TRPM6: variants seen among roughly 807,000 people sequenced by gnomAD.
TRPM6 encodes the protein transient receptor potential cation channel subfamily M member 6.
A neutral mutation model predicts 247.6 loss-of-function variants in TRPM6; 111 were observed. The observed-to-expected ratio is 0.45, with a 90% CI of 0.38 to 0.52. The LOEUF is 0.52. TRPM6 is among the 20% of genes least tolerant of loss of function. The probability of loss-of-function intolerance (pLI) is 0.00; values close to 1 mark genes in which losing one functional copy is unlikely to be tolerated. For synonymous variants in TRPM6, 892 were observed against 853.8 expected, an observed-to-expected ratio of 1.04 and a Z score of -0.78; for missense variants, 2,126 against 2,421.5, an observed-to-expected ratio of 0.88 and a Z score of 2.56.
At chr9:74,741,798 G>A (rs1825872434) in intron 33 of TRPM6, among the ~76,000 whole-genome samples, 1 of 151,976 alleles carries the variant, frequency 6.6e-6, no homozygotes, top group Non-Finnish European at 1.5e-5. Flanking sequence ...GCTGAGGCAG[G>A]AGAATCACTT....
chr9:74,820,431 G>A lies in TRPM6; in HGVS notation c.1011-4C>T, dbSNP rs754913541. 1 of 1,614,048 alleles carries A rather than the reference G, an allele frequency of 6.2e-7. No homozygotes were observed. The highest frequency in any genetic ancestry group is 1.1e-5 in the South Asian group (1 of 91,076). On this transcript the variant is annotated splice_polypyrimidine_tract_variant and splice_region_variant and intron_variant, in intron 8 of 38. Transcript: ENST00000360774. Reference sequence around the variant, plus strand: ...TTTCACCTGAGGTCGCAGCATCCTGGAAGAGAAATAAATGGTCTTGACACA... The same window carrying A: ...TTTCACCTGAGGTCGCAGCATCCTGAAAGAGAAATAAATGGTCTTGACACA...
At chr9:74,834,217 G>T (rs1829641504) in intron 5 of TRPM6, 95 bp from the exon 6 acceptor site, 3 of 1,459,630 alleles carry the variant, frequency 2.1e-6, no homozygotes, top group African/African-American at 2.8e-5. Context: ...GCAAGCATAT[G>T]CAAGGGCTAT....
intron 12 of TRPM6, 150 bp downstream of exon 12, chr9:74,812,149 C>G: frequency 1.0e-6 from 1 of 975,472 alleles, no homozygotes; most frequent in Non-Finnish European, 1.6e-6. Flanking sequence ...GGGAAAGAAG[C>G]CTGGAACTAG....
In TRPM6 at chr9:74,801,931, T is replaced by A; in HGVS notation, c.1976A>T (p.Asp659Val). Residue 659 changes from aspartate to valine, a missense_variant, in exon 16 of 39, where the codon GAT (aspartate) becomes GTT (valine). This residue lies in a region of TRPM6 where 1,082 missense variants were observed against 1,307.9 expected (regional missense o/e 0.83). Coordinates refer to ENST00000360774, the MANE Select transcript of TRPM6 (RefSeq NM_017662.5). ...AHEAKESHMV[D>V]DASEELKNYS... is the part of the protein sequence containing the mutation. ...ATTCTTCAACTCTTCTGAGGCATCA[T>A]CCACCATGTGACTCTCCTTAGCTTC... 1 of 1,614,258 alleles carries A rather than the reference T, an allele frequency of 6.2e-7. No individual in the cohort carries two copies. The highest frequency in any genetic ancestry group is 8.5e-7 in the Non-Finnish European group (1 of 1,180,042).
rs182951647 is a variant in TRPM6, at chr9:74,831,673, A to C, written c.669+2325T>G. On this transcript the variant is annotated intron_variant, in intron 6 of 38. Transcript: ENST00000360774. ...CATCTTGAAAACACTCCACCGGCCA[A>C]AATGGGATAATTTGAACATTATTAA... 6.5e-3 allele frequency among the ~76,000 whole-genome samples: 989 copies of C among 152,326 alleles called. 6 individuals are homozygous for C. Among genetic ancestry groups the C allele is most frequent in the African/African-American group, 0.019 (794 of 41,574 alleles).
rs919717427 is a variant in TRPM6, at chr9:74,752,513, A to T, written c.4907-145T>A. The T allele has an allele frequency of 8.3e-6, 5 of 603,278 alleles. No individual in the cohort carries two copies. In the Admixed American group the frequency reaches 1.5e-4, roughly 18 times the overall value. 37.4% of individuals were successfully genotyped at this position (603,278 alleles called of 1,614,324 possible). A position where few individuals can be genotyped will look rare whatever the true frequency, so the allele number is the denominator to read the frequency against. On this transcript the variant is annotated intron_variant, in intron 28 of 38. Transcript: ENST00000360774. ...CTTTCTGTTTTTAGCAAGTTTTACC[A>T]AGTTTCCTTTATCCTTTTTTTCTCA... is the stretch of plus-strand genomic sequence containing the variant.
intron 23 of TRPM6, among the ~76,000 whole-genome samples, chr9:74,780,045 AC>A (rs1554698134): frequency 6.6e-6 from 1 of 151,534 alleles, no homozygotes; most frequent in Non-Finnish European, 1.5e-5. Flanking sequence ...GGTGGCATGC[AC>A]CTGTAGTCCC....
chr9:74,825,458 CGTGTGT>C lies in TRPM6; in HGVS notation c.841+2314_841+2319del, dbSNP rs5898381. Among the ~76,000 whole-genome samples the C allele has an allele frequency of 4.2e-4, 63 of 148,400 alleles. 1 individual carries two copies. Among genetic ancestry groups the C allele is most frequent in the Admixed American group, 1.3e-3 (20 of 14,842 alleles). ...TTGAGGGCATGTCTTCTCTTTCTTC[CGTGTGT>C]GTGTGTGTGTGTGTGTGTGTATGTG... is the stretch of plus-strand genomic sequence containing the variant. On this transcript the variant is annotated intron_variant, in intron 7 of 38. Coordinates refer to ENST00000360774, the MANE Select transcript of TRPM6 (RefSeq NM_017662.5).
In TRPM6 at chr9:74,855,565, T is replaced by C. The variant is rs1232697338; in HGVS notation, c.114A>G (p.Arg38=). The C allele has an allele frequency of 6.3e-7, 1 of 1,598,228 alleles. No homozygotes were observed. Among genetic ancestry groups the C allele is most frequent in the Admixed American group, 1.7e-5 (1 of 59,998 alleles). ...GGCAGACTTGGCATACTGGAGTACA[T>C]CTAAATTAAAGAAATAAAACCTCTG... ...TIIPSSKNPH[R]CTPVCQVCQN... Residue 38 remains arginine, a splice_region_variant and synonymous_variant, in exon 3 of 39, where the codon AGA becomes AGG. Coordinates refer to ENST00000360774, the MANE Select transcript of TRPM6 (RefSeq NM_017662.5).
At chr9:74,758,654 T>C (rs374397022) in intron 27 of TRPM6, among the ~76,000 whole-genome samples, 2 of 152,166 alleles carry the variant, frequency 1.3e-5, no homozygotes, top group South Asian at 2.1e-4. Context: ...GGGGCATCTA[T>C]AGAAAAACCT....
At chr9:74,806,070 T>G (rs930424477) in intron 14 of TRPM6, among the ~76,000 whole-genome samples, 2 of 152,160 alleles carry the variant, frequency 1.3e-5, no homozygotes, top group African/African-American at 4.8e-5. Flanking sequence ...TTTAGAGATA[T>G]TCACAAGAAT....
At chr9:74,777,940 G>T (rs1450885821) in intron 23 of TRPM6, among the ~76,000 whole-genome samples, 1 of 152,174 alleles carries the variant, frequency 6.6e-6, no homozygotes, top group East Asian at 1.9e-4. Flanking sequence ...GAAAAAAAAT[G>T]AAAGGTCACT....
In TRPM6 at chr9:74,873,770, GA is replaced by G. The variant is rs532680678; in HGVS notation, c.33+14053del. On this transcript the variant is annotated intron_variant, in intron 1 of 38. Transcript: ENST00000360774. ...ATTTAGAATTTTTAACTTTTTAACAGAAAAAAATCTTTTAATTTAAAAGATC... is the reference window on the plus strand; with the variant it reads ...ATTTAGAATTTTTAACTTTTTAACAGAAAAAATCTTTTAATTTAAAAGATC... Among the ~76,000 whole-genome samples the G allele has an allele frequency of 5.7e-3, 855 of 151,188 alleles. 5 individuals are homozygous for G. The highest frequency in any genetic ancestry group is 0.019 in the African/African-American group (782 of 41,262).
At chr9:74,851,702 T>C (rs1192710968) in intron 3 of TRPM6, among the ~76,000 whole-genome samples, 1 of 150,378 alleles carries the variant, frequency 6.6e-6, no homozygotes, top group Non-Finnish European at 1.5e-5. Context: ...TGAGCCAAGA[T>C]TGCGCCACTG....
intron 1 of TRPM6, among the ~76,000 whole-genome samples, chr9:74,866,792 T>C (rs1393250253): frequency 6.6e-6 from 1 of 152,192 alleles, no homozygotes; most frequent in Non-Finnish European, 1.5e-5. Context: ...CAGGAGTATC[T>C]TATTTCCAAA....
chr9:74,839,153 C>CAAACTGGT (rs1829831906), intron 5 of TRPM6, among the ~76,000 whole-genome samples: 1 of 149,916 alleles, frequency 6.7e-6, no homozygotes, highest in Non-Finnish European at 1.5e-5. Flanking sequence ...AGGTTAGTAA[C>CAAACTGGT]AAACTGGTAA....
At chr9:74,775,720 G>T (rs1173877052) in intron 24 of TRPM6, among the ~76,000 whole-genome samples, 163 bp downstream of exon 24, 2 of 151,402 alleles carry the variant, frequency 1.3e-5, no homozygotes, top group African/African-American at 4.8e-5. Flanking sequence ...TCATAATGAG[G>T]TCAATATATT....
Position 74,802,022 on chromosome 9 carries a change from G to T in TRPM6, c.1885C>A (p.Gln629Lys). The T allele has an allele frequency of 6.2e-7, 1 of 1,614,158 alleles. No individual in the cohort carries two copies. Among genetic ancestry groups the T allele is most frequent in the Non-Finnish European group, 8.5e-7 (1 of 1,180,032 alleles). ...KRQKMAMFFW[Q>K]HGEEATVKAV... ...TTAACCGTGGCCTCCTCTCCATGCT[G>T]CCAGAAGAACATAGCCATCTTCTGC... The change falls in exon 16 of 39, where the codon CAG becomes AAG. Residue 629 changes from glutamine (Q) to lysine (K), a missense_variant. Coordinates refer to ENST00000360774, the MANE Select transcript of TRPM6 (RefSeq NM_017662.5).
At position 74,762,473 on chromosome 9, in the gene TRPM6, C is replaced by G; in HGVS notation, c.4198G>C (p.Val1400Leu). ...TCGTGCTTTTCCTTGGGTTCATCCA[C>G]TGATGCCCAGTCAGAGACAACTGGG... ...QTPVVSDWAS[V>L]DEPKEKHEPI... The change falls in exon 26 of 39, where the codon GTG becomes CTG. Residue 1400 changes from valine to leucine, a missense_variant. This residue lies in a region of TRPM6 where 717 missense variants were observed against 715.9 expected (regional missense o/e 1.00). Transcript: ENST00000360774. 1 of 1,614,190 alleles carries G rather than the reference C, an allele frequency of 6.2e-7. No individual in the cohort carries two copies. The highest frequency in any genetic ancestry group is 8.5e-7 in the Non-Finnish European group (1 of 1,180,030).
Sources: gnomAD v4.1 joint callset for allele counts (sites outside exome capture counted in the v4.1 genomes callset) on GRCh38, gnomAD v4.1.1 for gene constraint, gnomAD v4.1.1 regional missense constraint, MANE v1.5 for transcripts, NCBI Gene and HGNC (gene_info 2026-07-23, HGNC 2026-07-21) for gene names.